Variants in NOSTRIN observed in about 807,000 individuals in gnomAD.
NOSTRIN encodes the protein nitric oxide synthase trafficking.
In NOSTRIN, 63 loss-of-function variants were observed where a neutral mutation model predicts 59.0. The ratio of observed to expected loss-of-function variants is 1.07; its 90% CI spans 0.87 to 1.32. The LOEUF (loss-of-function observed/expected upper bound fraction) is 1.32, where lower values mean the gene tolerates loss of function less well. Ranked by LOEUF, NOSTRIN falls within the 40% of genes most tolerant of loss-of-function variation. The probability of loss-of-function intolerance (pLI) is 0.00; values close to 1 mark genes in which losing one functional copy is unlikely to be tolerated. For synonymous variants in NOSTRIN, 200 were observed against 165.4 expected (o/e 1.21, Z -1.61); for missense variants, 512 against 473.1 (o/e 1.08, Z -0.76).
chr2:168,833,395 C>T (rs896493502), intron 6 of NOSTRIN, among the ~76,000 whole-genome samples: 2 of 152,178 alleles, frequency 1.3e-5, no homozygotes, highest in South Asian at 4.1e-4. Context: ...CCTTTGATTC[C>T]CAAGCTAAAA....
intron 7 of NOSTRIN, among the ~76,000 whole-genome samples, chr2:168,836,560 G>GCTGCTCAGCAAATTCTTCCTGGTTTC (rs1171596417): frequency 2.0e-5 from 3 of 152,160 alleles, no homozygotes; most frequent in Admixed American, 2.0e-4. Flanking sequence ...GATGCTCTGT[G>GCTGCTCAGCAAATTCTTCCTGGTTTC]CTGCTCAGCA....
chr2:168,858,542 C>T (rs1367353951), intron 12 of NOSTRIN, among the ~76,000 whole-genome samples: 2 of 152,224 alleles, frequency 1.3e-5, no homozygotes, highest in Non-Finnish European at 2.9e-5. Context: ...AGATTAAATA[C>T]TGTCTTTAGA....
chr2:168,819,058 A>G (rs538489286), intron 2 of NOSTRIN, among the ~76,000 whole-genome samples: 1 of 152,270 alleles, frequency 6.6e-6, no homozygotes, highest in South Asian at 2.1e-4. Context: ...AAAAAATGCA[A>G]AAGGGCTAGA....
chr2:168,827,932 A>C (rs1253217352), intron 3 of NOSTRIN, among the ~76,000 whole-genome samples: 1 of 151,996 alleles, frequency 6.6e-6, no homozygotes, highest in Non-Finnish European at 1.5e-5. Flanking sequence ...GGAAATGAAA[A>C]TCTAAATGAA....
chr2:168,798,198 C>T (rs1214290654), upstream of NOSTRIN: 1 of 152,100 alleles, frequency 6.6e-6, no homozygotes, highest in Non-Finnish European at 1.5e-5. Flanking sequence ...ATTTGTAAAA[C>T]ACTTAGAATG....
intron 7 of NOSTRIN, among the ~76,000 whole-genome samples, chr2:168,841,474 G>T (rs1206348534): frequency 2.6e-5 from 4 of 152,118 alleles, no homozygotes; most frequent in African/African-American, 9.7e-5. Flanking sequence ...AAATTTTGGT[G>T]ATGGGCAAGA....
At chr2:168,809,005 A>G (rs749235162) in intron 1 of NOSTRIN, among the ~76,000 whole-genome samples, 1 of 152,216 alleles carries the variant, frequency 6.6e-6, no homozygotes, top group Admixed American at 6.5e-5. Flanking sequence ...TTTCTGTATC[A>G]TTATGTTATG....
At position 168,864,941 on chromosome 2, in the gene NOSTRIN, A is replaced by C. The variant is rs1425249493; in HGVS notation, c.1492A>C (p.Asn498His). ...PAAYVEELPS[N>H]AGNTATKA ...CGCTTATGTGGAGGAGTTACCTTCA[A>C]ATGCTGGCAACACAGCTACAAAGGC... The change falls in exon 16 of 16, where the codon AAT becomes CAT. Residue 498 changes from asparagine to histidine, a missense_variant. Coordinates refer to ENST00000317647, the MANE Select transcript of NOSTRIN (RefSeq NM_001039724.4). 1 of 1,614,160 alleles carries C rather than the reference A, an allele frequency of 6.2e-7. No individual in the cohort carries two copies. The highest frequency in any genetic ancestry group is 1.1e-5 in the South Asian group (1 of 91,084).
rs761717143 is a variant in NOSTRIN at position 168,856,702 on chromosome 2, T to A, written c.977T>A (p.Met326Lys). 4.3e-6 allele frequency: 7 copies of A among 1,614,002 alleles called. No homozygotes were observed. Among genetic ancestry groups the A allele is most frequent in the Non-Finnish European group, 5.9e-6 (7 of 1,179,998 alleles). The change falls in exon 12 of 16, where the codon ATG becomes AAG. Residue 326 changes from methionine (M) to lysine (K), a missense_variant. Coordinates refer to ENST00000317647, the MANE Select transcript of NOSTRIN (RefSeq NM_001039724.4). ...ASKDKEGLER[M>K]LKTYSSTSSF... ...ATTTCATTTTCAGGCCTGGAACGAA[T>A]GCTTAAAACGTACTCCAGCACCTCC...
chr2:168,851,118 T>C lies in NOSTRIN; in HGVS notation c.665T>C (p.Leu222Pro). 6.3e-7 allele frequency: 1 copy of C among 1,587,838 alleles called. No individual in the cohort carries two copies. Among genetic ancestry groups the C allele is most frequent in the African/African-American group, 1.3e-5 (1 of 74,568 alleles). Residue 222 changes from leucine (L) to proline (P), a missense_variant, in exon 9 of 16, where the codon CTT (leucine) becomes CCT (proline). Transcript: ENST00000317647. ...GAGCTGGAGAAGGAAAGAATTCAACTTTTATGCAATAACTTAAACCAGTAC... is the reference window on the plus strand; with the variant it reads ...GAGCTGGAGAAGGAAAGAATTCAACCTTTATGCAATAACTTAAACCAGTAC... ...ILELEKERIQ[L>P]LCNNLNQYSQ...
intron 8 of NOSTRIN, among the ~76,000 whole-genome samples, chr2:168,846,566 A>G (rs894264857): frequency 6.6e-6 from 1 of 152,194 alleles, no homozygotes; most frequent in African/African-American, 2.4e-5. Context: ...TTACTTCACA[A>G]TCATACTGTA....
At chr2:168,861,494 A>G (rs1689447829) in intron 14 of NOSTRIN, among the ~76,000 whole-genome samples, 1 of 152,180 alleles carries the variant, frequency 6.6e-6, no homozygotes, top group African/African-American at 2.4e-5. Flanking sequence ...TAAAAAAAAA[A>G]AAAAGAACTT....
intron 11 of NOSTRIN, 40 bp from the exon 12 acceptor site, chr2:168,856,650 A>T (rs1422710997): frequency 6.4e-7 from 1 of 1,553,134 alleles, no homozygotes; most frequent in Non-Finnish European, 8.9e-7. Flanking sequence ...TCCCACTGAG[A>T]CAGTGTGAAA....
At chr2:168,797,277 G>T (rs529626261), upstream of NOSTRIN, among the ~76,000 whole-genome samples, 3 of 151,022 alleles carry the variant, frequency 2.0e-5, no homozygotes, top group Non-Finnish European at 4.4e-5. Flanking sequence ...TTTTATTTTT[G>T]GTAGAGATGG....
intron 3 of NOSTRIN, among the ~76,000 whole-genome samples, chr2:168,826,518 A>G (rs1360013033): frequency 1.3e-5 from 2 of 149,766 alleles, no homozygotes; most frequent in African/African-American, 4.9e-5. Context: ...ACAGGTGTTG[A>G]CCAAGTTACT....
Position 168,828,498 on chromosome 2 carries a change from A to G in NOSTRIN, c.339A>G (p.Lys113=). 1.1e-6 allele frequency: 1 copy of G among 870,186 alleles called. No homozygotes were observed. Among genetic ancestry groups the G allele is most frequent in the Non-Finnish European group, 2.0e-6 (1 of 501,002 alleles). 53.9% of individuals were successfully genotyped at this position (870,186 alleles called of 1,614,324 possible). A position where few individuals can be genotyped will look rare whatever the true frequency, so the allele number is the denominator to read the frequency against. ...QVLNVQEKKR[K]SLDNEVEKTA... ...TAAATGTACAAGAGAAGAAGAGAAA[A>G]TCAGTGAGTCCAAACCTTTCTTTAC... Residue 113 remains lysine, a synonymous_variant, in exon 5 of 16, where the codon AAA becomes AAG. Coordinates refer to ENST00000317647, the MANE Select transcript of NOSTRIN (RefSeq NM_001039724.4).
At chr2:168,808,414 C>T (rs375398443) in intron 1 of NOSTRIN, among the ~76,000 whole-genome samples, 4 of 152,196 alleles carry the variant, frequency 2.6e-5, no homozygotes, top group African/African-American at 4.8e-5. Flanking sequence ...CTAAATCCCT[C>T]GAATCCATCT....
intron 8 of NOSTRIN, among the ~76,000 whole-genome samples, chr2:168,850,306 T>G (rs1252079132): frequency 6.6e-6 from 1 of 152,222 alleles, no homozygotes; most frequent in Non-Finnish European, 1.5e-5. Flanking sequence ...ATAATGAAAC[T>G]TCTGTCATCT....
intron 1 of NOSTRIN, among the ~76,000 whole-genome samples, chr2:168,787,697 G>A (rs1157991461): frequency 6.6e-6 from 1 of 152,216 alleles, no homozygotes; most frequent in African/African-American, 2.4e-5. Context: ...AAGAGGAGCT[G>A]TGAGAAGATG....
Sources: gnomAD v4.1 joint callset for allele counts (sites outside exome capture counted in the v4.1 genomes callset) on GRCh38, gnomAD v4.1.1 for gene constraint, MANE v1.5 for transcripts, NCBI Gene and HGNC (gene_info 2026-07-23, HGNC 2026-07-21) for gene names.